The following DHX30 variants were observed in gnomAD, a reference collection of about 807,000 sequenced individuals.
The protein encoded by DHX30 is ATP-dependent RNA helicase DHX30.
DHX30 carries 4 observed loss-of-function variants against 116.9 expected under a neutral mutation model. The observed-to-expected ratio is 0.03, with a 90% CI of 0.02 to 0.08. DHX30 has a LOEUF of 0.08. Among genes scored for constraint, DHX30 ranks in the 10% least tolerant of loss-of-function variants. DHX30 has a pLI of 1.00. For synonymous variants in DHX30, 697 were observed against 651.7 expected (o/e 1.07, Z -1.06); for missense variants, 871 against 1,595.1 (o/e 0.55, Z 7.73).
intron 3 of DHX30, among the ~76,000 whole-genome samples, chr3:47,817,305 T>C (rs2036100729): frequency 1.3e-5 from 2 of 152,234 alleles, no homozygotes; most frequent in Admixed American, 6.5e-5. Flanking sequence ...TCCACCTTCC[T>C]TACCCATGTA....
At chr3:47,826,939 C>A (rs1212719686) in intron 4 of DHX30, among the ~76,000 whole-genome samples, 1 of 152,140 alleles carries the variant, frequency 6.6e-6, no homozygotes, top group African/African-American at 2.4e-5. Context: ...TTGTCTTGAT[C>A]TCCAGTTTGT....
intron 4 of DHX30, among the ~76,000 whole-genome samples, chr3:47,822,749 C>T (rs568922014): frequency 6.4e-4 from 97 of 152,116 alleles, no homozygotes; most frequent in African/African-American, 2.2e-3. Context: ...CGTGCCAGTG[C>T]ATTCCAGCCT....
Position 47,848,768 on chromosome 3 carries a change from C to T in DHX30, c.2720C>T (p.Thr907Ile), listed in dbSNP as rs1322594801. ...HPLLVVVSCLTRDPFSSSLQN... is the reference protein window; with the variant it reads ...HPLLVVVSCLIRDPFSSSLQN... ...CTACTGGTGGTCGTTTCCTGCCTCACCCGGGACCCCTTCAGCAGCAGCCTA... is the reference window on the plus strand; with the variant it reads ...CTACTGGTGGTCGTTTCCTGCCTCATCCGGGACCCCTTCAGCAGCAGCCTA... The change falls in exon 17 of 22, where the codon ACC (threonine) becomes ATC (isoleucine). Residue 907 changes from threonine (T) to isoleucine (I), a missense_variant. Around this residue, in one of 13 missense-constraint regions of DHX30, gnomAD observed 238 missense variants for 481.0 expected, o/e 0.49. Transcript: ENST00000445061. This position sits in a 1 kb window ranked among gnomAD's most constrained non-coding sequence, Gnocchi z 9.4. The T allele has an allele frequency of 6.2e-7, 1 of 1,614,134 alleles. No homozygotes were observed. Among genetic ancestry groups the T allele is most frequent in the South Asian group, 1.1e-5 (1 of 91,078 alleles).
At position 47,849,516 on chromosome 3, in the gene DHX30, A is replaced by G; in HGVS notation, c.3153A>G (p.Lys1051=). ...FKPNSVTYRT[K]SGNILLHKST... is the part of the protein sequence containing the mutation. ...CCAACAGCGTCACATATAGGACCAA[A>G]TCAGGCAACATCCTGCTGCACAAGT... The change falls in exon 20 of 22, where the codon AAA becomes AAG. Residue 1051 remains lysine (K), a synonymous_variant. Transcript: ENST00000445061. The G allele has an allele frequency of 6.2e-7, 1 of 1,604,324 alleles. No individual in the cohort carries two copies. Among genetic ancestry groups the G allele is most frequent in the Non-Finnish European group, 8.5e-7 (1 of 1,172,634 alleles).
At chr3:47,824,928 T>G in intron 4 of DHX30, 1 of 487,428 alleles carries the variant, frequency 2.1e-6, no homozygotes, top group Non-Finnish European at 3.6e-6. Flanking sequence ...CGCCTAGGCT[T>G]GGGCTTCGGG....
chr3:47,822,389 G>C (rs2036335737), intron 4 of DHX30: 1 of 152,742 alleles, frequency 6.5e-6, no homozygotes, highest in South Asian at 2.1e-4. Flanking sequence ...AGGTTTAATG[G>C]ATTCACAGTT....
chr3:47,825,259 G>T, intron 4 of DHX30: 1 of 571,276 alleles, frequency 1.8e-6, no homozygotes, highest in Non-Finnish European at 3.1e-6. Context: ...TGAGGGCATC[G>T]GCGGGGGCGG....
At chr3:47,828,176 G>A (rs2036633365) in intron 5 of DHX30, among the ~76,000 whole-genome samples, 1 of 151,890 alleles carries the variant, frequency 6.6e-6, no homozygotes, top group South Asian at 2.1e-4. Context: ...GATAAAGATG[G>A]GGCCTGGTTG....
At chr3:47,828,817 A>G (rs1559702265) in intron 5 of DHX30, among the ~76,000 whole-genome samples, 1 of 152,126 alleles carries the variant, frequency 6.6e-6, no homozygotes, top group Non-Finnish European at 1.5e-5. Context: ...GGGGTAGAAC[A>G]GATTGTTTCA....
chr3:47,822,386 A>G (rs2036335449), intron 4 of DHX30: 1 of 152,800 alleles, frequency 6.5e-6, no homozygotes. Flanking sequence ...AAAAGGTTTA[A>G]TGGATTCACA....
chr3:47,829,710 A>G (rs954985143), intron 6 of DHX30, among the ~76,000 whole-genome samples: 1 of 152,140 alleles, frequency 6.6e-6, no homozygotes, highest in Non-Finnish European at 1.5e-5. Context: ...GAACTACTTT[A>G]TGAAAAACTT....
chr3:47,804,672 T>C (rs1412783959), intron 1 of DHX30, among the ~76,000 whole-genome samples: 4 of 152,214 alleles, frequency 2.6e-5, no homozygotes, highest in Non-Finnish European at 5.9e-5. Flanking sequence ...CCGTAGTACA[T>C]TTAGGCAACA....
intron 2 of DHX30, among the ~76,000 whole-genome samples, chr3:47,806,203 G>C (rs2035513523): frequency 6.6e-6 from 1 of 150,592 alleles, no homozygotes; most frequent in Non-Finnish European, 1.5e-5. Context: ...GAGTGCAGTG[G>C]TGGGATCTTG....
At position 47,848,094 on chromosome 3, in the gene DHX30, G is replaced by A; in HGVS notation, c.2287-86G>A. On this transcript the variant is annotated intron_variant, in intron 14 of 21. Transcript: ENST00000445061. The surrounding 1 kb of genome is among the most constrained non-coding windows in gnomAD (Gnocchi z 9.4). ...CTTGTGGGGTCTCAGTGTTCCTGAT[G>A]TAGGGGGCTGGTGAGGGTTACTCAG... 3.1e-6 allele frequency: 5 copies of A among 1,588,316 alleles called. No homozygotes were observed. The South Asian group carries it at 3.4e-5, about 11-fold the overall frequency.
At chr3:47,823,958 T>G (rs930911275) in intron 4 of DHX30, among the ~76,000 whole-genome samples, 4 of 151,550 alleles carry the variant, frequency 2.6e-5, no homozygotes, top group African/African-American at 9.7e-5. Flanking sequence ...CTGTCTAGAC[T>G]GTTGTCTCCT....
chr3:47,848,032 A>T lies in DHX30; in HGVS notation c.2286+76A>T, dbSNP rs2037694885. ...TTGAGGTGGTCCCCAGCCCAGATCT[A>T]CCTTAGACCTGCTTTGTGTGTCTTC... is the stretch of plus-strand genomic sequence containing the variant. On this transcript the variant is annotated intron_variant, in intron 14 of 21. Coordinates refer to ENST00000445061, the MANE Select transcript of DHX30 (RefSeq NM_138615.3). The surrounding 1 kb of genome is among the most constrained non-coding windows in gnomAD (Gnocchi z 9.4). The T allele has an allele frequency of 6.3e-7, 1 of 1,593,102 alleles. No homozygotes were observed. Among genetic ancestry groups the T allele is most frequent in the African/African-American group, 1.3e-5 (1 of 74,640 alleles).
chr3:47,821,931 T>C (rs1051545371), intron 4 of DHX30, among the ~76,000 whole-genome samples: 2 of 152,110 alleles, frequency 1.3e-5, no homozygotes, highest in Non-Finnish European at 1.5e-5. Context: ...GTTGGTAATC[T>C]TTTTTTTGTA....
rs755339541 is a variant in DHX30, at chr3:47,841,625, C to G, written c.677C>G (p.Ser226Cys). 1 of 1,614,208 alleles carries G rather than the reference C, an allele frequency of 6.2e-7. No individual in the cohort carries two copies. Among genetic ancestry groups the G allele is most frequent in the South Asian group, 1.1e-5 (1 of 91,084 alleles). ...ACTTTTGGTCCTCCCAGGGGGAGTTCCTTTGAGATGACAGATGACGACAGT... is the reference window on the plus strand; with the variant it reads ...ACTTTTGGTCCTCCCAGGGGGAGTTGCTTTGAGATGACAGATGACGACAGT... ...HAPLRDSRGS[S>C]FEMTDDDSAI... The change falls in exon 8 of 22, where the codon TCC becomes TGC. Residue 226 changes from serine to cysteine, a missense_variant. Around this residue, in one of 13 missense-constraint regions of DHX30, gnomAD observed 109 missense variants for 118.8 expected, o/e 0.92. Coordinates refer to ENST00000445061, the MANE Select transcript of DHX30 (RefSeq NM_138615.3).
chr3:47,817,550 T>G (rs1481628501), intron 3 of DHX30, among the ~76,000 whole-genome samples: 1 of 152,196 alleles, frequency 6.6e-6, no homozygotes, highest in Non-Finnish European at 1.5e-5. Flanking sequence ...GTCCCTCTCT[T>G]ACCCAGCTCT....
Sources: gnomAD v4.1 joint callset for allele counts (sites outside exome capture counted in the v4.1 genomes callset) on GRCh38, gnomAD v4.1.1 for gene constraint, gnomAD v4.1.1 regional missense constraint, Gnocchi (gnomAD v3.1) non-coding constraint, MANE v1.5 for transcripts, NCBI Gene and HGNC (gene_info 2026-07-23, HGNC 2026-07-21) for gene names.